FNIP2: variants seen among roughly 807,000 people sequenced by gnomAD.
The protein encoded by FNIP2 is folliculin-interacting protein 2.
A neutral mutation model predicts 108.7 loss-of-function variants in FNIP2; 32 were observed. That is an observed-to-expected ratio of 0.29 (90% CI 0.22 to 0.40). The LOEUF (loss-of-function observed/expected upper bound fraction) is 0.40, where lower values mean the gene tolerates loss of function less well. Ranked by LOEUF, FNIP2 falls within the 10% of genes least tolerant of loss-of-function variation. The pLI is 1.00. For synonymous variants in FNIP2, 480 were observed against 496.7 expected (o/e 0.97, Z 0.45); for missense variants, 1,202 against 1,381.6 (o/e 0.87, Z 2.06).
At chr4:158,893,846 G>A (rs895372303) in intron 15 of FNIP2, 20 of 605,350 alleles carry the variant, frequency 3.3e-5, no homozygotes, top group Admixed American at 8.7e-5. Context: ...GCAATAAATT[G>A]TTATAGTTAA....
At position 158,868,992 on chromosome 4, in the gene FNIP2, G is replaced by A; in HGVS notation, c.2356G>A (p.Gly786Arg). The change falls in exon 13 of 17, where the codon GGG (glycine) becomes AGG (arginine). Residue 786 changes from glycine (G) to arginine (R), a missense_variant. Physicochemically the swap from Gly to Arg is moderately radical, Grantham distance 125. Around this residue, in one of 5 missense-constraint regions of FNIP2, gnomAD observed 878 missense variants for 990.3 expected, o/e 0.89. Coordinates refer to ENST00000264433, the MANE Select transcript of FNIP2 (RefSeq NM_020840.3). This position sits in a 1 kb window ranked among gnomAD's most constrained non-coding sequence, Gnocchi z 4.6. ...CTGTCCTCAGAATCGGCTTTCAGAG[G>A]GGGATGAAGGCGAGTCTGACAAGGG... Reference protein sequence around the residue: ...VCCPQNRLSEGDEGESDKGFA... With the variant: ...VCCPQNRLSERDEGESDKGFA... 1 of 1,613,974 alleles carries A rather than the reference G, an allele frequency of 6.2e-7. No individual in the cohort carries two copies. The highest frequency in any genetic ancestry group is 8.5e-7 in the Non-Finnish European group (1 of 1,179,892).
intron 1 of FNIP2, among the ~76,000 whole-genome samples, chr4:158,810,676 G>A (rs903649114): frequency 2.0e-5 from 3 of 152,168 alleles, no homozygotes; most frequent in African/African-American, 7.2e-5. Flanking sequence ...ACTGACATCA[G>A]CTTTTGTCTC....
At chr4:158,882,365 G>T (rs534262703) in intron 14 of FNIP2, among the ~76,000 whole-genome samples, 2 of 150,510 alleles carry the variant, frequency 1.3e-5, no homozygotes, top group Middle Eastern at 3.5e-3. Flanking sequence ...CAGCCGCCCC[G>T]TCCGGGAGGG....
Position 158,869,196 on chromosome 4 carries a change from G to T in FNIP2, c.2560G>T (p.Ala854Ser). 6.2e-7 allele frequency: 1 copy of T among 1,614,054 alleles called. No homozygotes were observed. Among genetic ancestry groups the T allele is most frequent in the Non-Finnish European group, 8.5e-7 (1 of 1,179,904 alleles). The change falls in exon 13 of 17, where the codon GCC becomes TCC. Residue 854 changes from alanine to serine, a missense_variant. Ala to Ser is a moderately conservative substitution (Grantham distance 99). Coordinates refer to ENST00000264433, the MANE Select transcript of FNIP2 (RefSeq NM_020840.3). ...GGAAGGACCTGTGCTGGAGCCTGTTGCCCCCAGGTGTGTCCAGCGGGGCCC... is the reference window on the plus strand; with the variant it reads ...GGAAGGACCTGTGCTGGAGCCTGTTTCCCCCAGGTGTGTCCAGCGGGGCCC... ...AAEGPVLEPV[A>S]PRCVQRGPGL...
At position 158,905,509 on chromosome 4, in the gene FNIP2, G is replaced by A. The variant is rs945703219; in HGVS notation, c.*965G>A. ...GCTGTCCTGGTGGGAAATGAAACCT[G>A]CAGCAGTTCAGGATGACTAATGAAA... On this transcript the variant is annotated 3_prime_UTR_variant, in exon 17 of 17. Coordinates refer to ENST00000264433, the MANE Select transcript of FNIP2 (RefSeq NM_020840.3). 7 of 152,110 alleles carry A rather than the reference G, an allele frequency of 4.6e-5. No individual in the cohort carries two copies. Among genetic ancestry groups the A allele is most frequent in the Non-Finnish European group, 8.8e-5 (6 of 68,016 alleles). 9.4% of individuals were successfully genotyped at this position (152,110 alleles called of 1,614,324 possible).
At chr4:158,884,698 A>G (rs527964471) in intron 14 of FNIP2, among the ~76,000 whole-genome samples, 168 of 152,308 alleles carry the variant, frequency 1.1e-3, no homozygotes, top group Non-Finnish European at 2.0e-3. Context: ...TATAAAGGAA[A>G]GAGGTTTAAT....
intron 15 of FNIP2, among the ~76,000 whole-genome samples, chr4:158,893,942 G>T (rs961172663): frequency 3.3e-5 from 5 of 152,002 alleles, no homozygotes; most frequent in African/African-American, 1.2e-4. Flanking sequence ...CAAGATCAAA[G>T]AAAATTTTAT....
At chr4:158,861,270 T>A in intron 10 of FNIP2, 72 bp from the exon 11 acceptor site, 1 of 1,491,816 alleles carries the variant, frequency 6.7e-7, no homozygotes, top group Non-Finnish European at 9.0e-7. Context: ...TTCTCCTTTA[T>A]TCTTTTACAC....
rs561442234 is a variant in FNIP2 at position 158,799,668 on chromosome 4, A to G, written c.108-26248A>G. Among the ~76,000 whole-genome samples, 16 of 152,326 alleles carry G rather than the reference A, an allele frequency of 1.1e-4. No individual in the cohort carries two copies. The South Asian group carries it at 3.3e-3, about 32-fold the overall frequency. ...TTCCTAGGTCCAAATGCTAGGGACA[A>G]CCTGGCTCAAAATCAAAGTTAAACT... On this transcript the variant is annotated intron_variant, in intron 1 of 16. Coordinates refer to ENST00000264433, the MANE Select transcript of FNIP2 (RefSeq NM_020840.3).
intron 1 of FNIP2, among the ~76,000 whole-genome samples, chr4:158,816,484 T>C (rs1253813439): frequency 7.9e-5 from 12 of 151,958 alleles, no homozygotes; most frequent in Non-Finnish European, 1.8e-4. Context: ...CTGACAAGGG[T>C]GTAAAAGAAT....
chr4:158,833,031 A>C (rs1489485834), intron 5 of FNIP2, among the ~76,000 whole-genome samples: 1 of 152,252 alleles, frequency 6.6e-6, no homozygotes, highest in Non-Finnish European at 1.5e-5. Flanking sequence ...TTGTGAAATG[A>C]AACTCCTGTA....
intron 1 of FNIP2, among the ~76,000 whole-genome samples, chr4:158,774,696 A>G (rs1775804682): frequency 6.6e-6 from 1 of 152,206 alleles, no homozygotes; most frequent in African/African-American, 2.4e-5. Context: ...TCGCTACTTC[A>G]CCTGAGCTTC....
rs116558921 is a variant in FNIP2 at position 158,850,200 on chromosome 4, A to G, written c.728-1121A>G. Among the ~76,000 whole-genome samples the G allele has an allele frequency of 2.7e-3, 411 of 152,334 alleles. 2 individuals are homozygous for G. Among genetic ancestry groups the G allele is most frequent in the Non-Finnish European group, 3.6e-3 (243 of 68,030 alleles). On this transcript the variant is annotated intron_variant, in intron 7 of 16. Coordinates refer to ENST00000264433, the MANE Select transcript of FNIP2 (RefSeq NM_020840.3). ...ATCAAGTGATATTCATGAGCATAGT[A>G]TACTGTATTTACCAAAATCAATTTC...
At chr4:158,795,670 C>T (rs918432102) in intron 1 of FNIP2, among the ~76,000 whole-genome samples, 1 of 152,194 alleles carries the variant, frequency 6.6e-6, no homozygotes, top group African/African-American at 2.4e-5. Flanking sequence ...ACCAGCCACA[C>T]AGAGCAGCGG....
chr4:158,829,126 A>G lies in FNIP2; in HGVS notation c.282A>G (p.Gly94=). Residue 94 remains glycine (G), a synonymous_variant, in exon 3 of 17, where the codon GGA becomes GGG. Transcript: ENST00000264433. ...AAATATCAGCCAAGTGCTGCCAGGG[A>G]AGCAGCAGTGTCAGCAGCAGTAGCA... ...PIKISAKCCQ[G]SSSVSSSSSS... 1 of 1,612,330 alleles carries G rather than the reference A, an allele frequency of 6.2e-7. No individual in the cohort carries two copies. The highest frequency in any genetic ancestry group is 8.5e-7 in the Non-Finnish European group (1 of 1,178,966).
At chr4:158,860,897 C>T (rs1272834082) in intron 10 of FNIP2, among the ~76,000 whole-genome samples, 3 of 152,040 alleles carry the variant, frequency 2.0e-5, no homozygotes, top group Non-Finnish European at 4.4e-5. Context: ...CCTTGTAATC[C>T]ACCACCTTGG....
intron 1 of FNIP2, among the ~76,000 whole-genome samples, chr4:158,812,494 C>T (rs563213589): frequency 1.3e-5 from 2 of 152,278 alleles, no homozygotes; most frequent in African/African-American, 4.8e-5. Flanking sequence ...AAGTGATCTT[C>T]AGAAAATAAT....
rs1179831884 is a variant in FNIP2 at position 158,868,993 on chromosome 4, G to A, written c.2357G>A (p.Gly786Glu). The change falls in exon 13 of 17, where the codon GGG (glycine) becomes GAG (glutamate). Residue 786 changes from glycine to glutamate, a missense_variant. By Grantham distance (98) the Gly-to-Glu change is moderately conservative. Around this residue, in one of 5 missense-constraint regions of FNIP2, gnomAD observed 878 missense variants for 990.3 expected, o/e 0.89. Transcript: ENST00000264433. This position sits in a 1 kb window ranked among gnomAD's most constrained non-coding sequence, Gnocchi z 4.6. The stretch of plus-strand genomic sequence containing the variant: ...TGTCCTCAGAATCGGCTTTCAGAGG[G>A]GGATGAAGGCGAGTCTGACAAGGGT... ...VCCPQNRLSE[G>E]DEGESDKGFA... 1.2e-6 allele frequency: 2 copies of A among 1,613,876 alleles called. No individual in the cohort carries two copies. Among genetic ancestry groups the A allele is most frequent in the African/African-American group, 1.3e-5 (1 of 74,928 alleles).
intron 12 of FNIP2, among the ~76,000 whole-genome samples, chr4:158,863,053 TC>T (rs1780384373): frequency 1.3e-5 from 2 of 152,224 alleles, no homozygotes; most frequent in African/African-American, 4.8e-5. Flanking sequence ...TCCTCATCTT[TC>T]AGGGGAGATC....
Sources: gnomAD v4.1 joint callset for allele counts (sites outside exome capture counted in the v4.1 genomes callset) on GRCh38, gnomAD v4.1.1 for gene constraint, gnomAD v4.1.1 regional missense constraint, Gnocchi (gnomAD v3.1) non-coding constraint, MANE v1.5 for transcripts, NCBI Gene and HGNC (gene_info 2026-07-23, HGNC 2026-07-21) for gene names.